The following IGHMBP2 variants were observed in gnomAD, a reference collection of about 807,000 sequenced individuals.
IGHMBP2 encodes the protein DNA-binding protein SMUBP-2.
IGHMBP2 carries 81 observed loss-of-function variants against 96.0 expected under a neutral mutation model. The ratio of observed to expected loss-of-function variants is 0.84; its 90% CI spans 0.71 to 1.01. The LOEUF (loss-of-function observed/expected upper bound fraction) is 1.01. Among genes scored for constraint, IGHMBP2 ranks in the 50% least tolerant of loss-of-function variants. The pLI is 0.00. For missense variants in IGHMBP2, 1,227 were observed against 1,306.3 expected (o/e 0.94, Z 0.94); for synonymous variants, 557 against 548.9 (o/e 1.01, Z -0.21).
intron 8 of IGHMBP2, among the ~76,000 whole-genome samples, chr11:68,931,234 C>T (rs925501622): frequency 2.6e-5 from 4 of 152,168 alleles, no homozygotes; most frequent in Non-Finnish European, 4.4e-5. Context: ...ACACCCATGA[C>T]CCTGCAGGGA....
rs724159960 is a variant in IGHMBP2, at chr11:68,934,508, G to A, written c.1582G>A (p.Ala528Thr). Residue 528 changes from alanine (A) to threonine (T), a missense_variant, in exon 11 of 15, where the codon GCT (alanine) becomes ACT (threonine). By Grantham distance (58) the Ala-to-Thr change is moderately conservative. Transcript: ENST00000255078. Reference sequence around the variant, plus strand: ...TTTGCACATCCAGGCTCTGGTGGACGCTGGTGTTCCAGCCCGTGACATTGC... The same window carrying A: ...TTTGCACATCCAGGCTCTGGTGGACACTGGTGTTCCAGCCCGTGACATTGC... ...VSLHIQALVD[A>T]GVPARDIAVV... The A allele has an allele frequency of 6.8e-6, 11 of 1,612,866 alleles. No individual in the cohort carries two copies. Among genetic ancestry groups the A allele is most frequent in the South Asian group, 2.2e-5 (2 of 90,708 alleles).
chr11:68,935,500 C>A, intron 12 of IGHMBP2, 78 bp downstream of exon 12: 1 of 1,545,398 alleles, frequency 6.5e-7, no homozygotes, highest in Non-Finnish European at 8.9e-7. Flanking sequence ...TGGGTGTCTG[C>A]TGGGTGCCAC....
At chr11:68,935,128 C>T (rs568416310) in intron 11 of IGHMBP2, among the ~76,000 whole-genome samples, 171 bp from the exon 12 acceptor site, 5 of 152,244 alleles carry the variant, frequency 3.3e-5, no homozygotes, top group Admixed American at 6.5e-5. Flanking sequence ...GGCGTGCATG[C>T]GTGCCCGTGA....
chr11:68,932,801 G>A (rs773659773), intron 8 of IGHMBP2: 11 of 166,980 alleles, frequency 6.6e-5, no homozygotes, highest in South Asian at 3.2e-4. Context: ...CAGACTCACC[G>A]GCTTAAAATC....
intron 8 of IGHMBP2, among the ~76,000 whole-genome samples, chr11:68,931,563 G>A (rs1470464514): frequency 6.6e-6 from 1 of 152,156 alleles, no homozygotes; most frequent in South Asian, 2.1e-4. Context: ...GTCTGTAGCT[G>A]TGACCCTGTG....
chr11:68,921,016 C>T (rs1190827548), intron 7 of IGHMBP2, among the ~76,000 whole-genome samples: 1 of 152,156 alleles, frequency 6.6e-6, no homozygotes, highest in Non-Finnish European at 1.5e-5. Flanking sequence ...AGGCTGGTCT[C>T]AAACTCCTGG....
At position 68,933,367 on chromosome 11, in the gene IGHMBP2, T is replaced by C. The variant is rs1566443147; in HGVS notation, c.1304T>C (p.Val435Ala). 1.2e-6 allele frequency: 2 copies of C among 1,613,124 alleles called. No individual in the cohort carries two copies. Among genetic ancestry groups the C allele is most frequent in the Admixed American group, 1.7e-5 (1 of 59,964 alleles). ...GCTGAGGAGTACGGCGCGAGGGTGG[T>C]GCGGACACTGACGGTGCAGTACCGC... ...RLAEEYGARV[V>A]RTLTVQYRMH... Residue 435 changes from valine (V) to alanine (A), a missense_variant, in exon 9 of 15, where the codon GTG becomes GCG. Around this residue, in one of 3 missense-constraint regions of IGHMBP2, gnomAD observed 703 missense variants for 770.3 expected, o/e 0.91. Coordinates refer to ENST00000255078, the MANE Select transcript of IGHMBP2 (RefSeq NM_002180.3).
At chr11:68,913,647 A>G (rs1288809604) in intron 5 of IGHMBP2, among the ~76,000 whole-genome samples, 1 of 150,610 alleles carries the variant, frequency 6.6e-6, no homozygotes, top group East Asian at 2.0e-4. Flanking sequence ...GGCTGGGTGC[A>G]GCGGCTCATG....
At chr11:68,923,614 A>G (rs1858955910) in intron 7 of IGHMBP2, among the ~76,000 whole-genome samples, 1 of 152,188 alleles carries the variant, frequency 6.6e-6, no homozygotes, top group African/African-American at 2.4e-5. Context: ...TGCTTAGTCC[A>G]GGGTTAATAT....
intron 6 of IGHMBP2, among the ~76,000 whole-genome samples, chr11:68,915,568 C>T (rs555640322): frequency 1.2e-4 from 18 of 152,004 alleles, no homozygotes; most frequent in East Asian, 3.9e-4. Context: ...CTGCAGGCTC[C>T]GCCTCCCGGG....
intron 7 of IGHMBP2, among the ~76,000 whole-genome samples, chr11:68,919,067 C>T (rs1858779016): frequency 6.6e-6 from 1 of 152,160 alleles, no homozygotes; most frequent in African/African-American, 2.4e-5. Context: ...ATATTTCATT[C>T]ATTTCAAAAT....
At chr11:68,933,969 A>G (rs1859421544) in intron 10 of IGHMBP2, 56 bp downstream of exon 10, 1 of 1,243,722 alleles carries the variant, frequency 8.0e-7, no homozygotes, top group Non-Finnish European at 1.2e-6. Flanking sequence ...CCAGCTCTTT[A>G]AAAATAAAAG....
chr11:68,933,693 C>T, intron 9 of IGHMBP2, 102 bp from the exon 10 acceptor site: 3 of 1,063,808 alleles, frequency 2.8e-6, no homozygotes, highest in South Asian at 1.3e-5. Flanking sequence ...TTGTCCTCCC[C>T]TACCTAAGCC....
chr11:68,917,953 T>G (rs1858734470), intron 7 of IGHMBP2, 70 bp downstream of exon 7: 17 of 1,520,870 alleles, frequency 1.1e-5, no homozygotes, highest in Non-Finnish European at 1.5e-5. Context: ...CTCTTCTGTT[T>G]TCTGGAAGAG....
rs112486136 is a variant in IGHMBP2, at chr11:68,929,911, T to C, written c.1235+554T>C. ...GCCCAGGCTGTCCTGGTGGAGACAC[T>C]GGAGCCCTGATGCAGTGGCCTGGCC... is the stretch of plus-strand genomic sequence containing the variant. On this transcript the variant is annotated intron_variant, in intron 8 of 14. Transcript: ENST00000255078. The C allele has an allele frequency of 3.5e-3, 3,388 of 974,758 alleles. 88 individuals are homozygous for C. The African/African-American group carries it at 0.058, about 17-fold the overall frequency. The allele number at this position is 974,758 out of a possible 1,614,324, so 60.4% of individuals were successfully genotyped here.
At chr11:68,918,355 G>T (rs1276723953) in intron 7 of IGHMBP2, among the ~76,000 whole-genome samples, 1 of 151,492 alleles carries the variant, frequency 6.6e-6, no homozygotes, top group East Asian at 1.9e-4. Flanking sequence ...AAGAGACAGG[G>T]TCTCTGCCAG....
At chr11:68,921,185 C>CTTT (rs11392795) in intron 7 of IGHMBP2, among the ~76,000 whole-genome samples, 2 of 147,346 alleles carry the variant, frequency 1.4e-5, no homozygotes, top group African/African-American at 5.0e-5. Context: ...TTGAACATTT[C>CTTT]TTTTTTTTTT....
chr11:68,925,852 C>T (rs917911172), intron 7 of IGHMBP2, among the ~76,000 whole-genome samples: 1 of 152,116 alleles, frequency 6.6e-6, no homozygotes. Context: ...AGTTGCTACT[C>T]TATTGCTGCT....
intron 7 of IGHMBP2, among the ~76,000 whole-genome samples, chr11:68,918,165 T>C (rs1446686112): frequency 6.6e-6 from 1 of 152,210 alleles, no homozygotes; most frequent in African/African-American, 2.4e-5. Context: ...CGGTTGAATT[T>C]AGAGGCATGA....
Sources: allele counts gnomAD v4.1 joint callset (sites outside exome capture counted in the v4.1 genomes callset), GRCh38; gene constraint gnomAD v4.1.1; regional missense constraint gnomAD v4.1.1; transcripts MANE v1.5; gene names NCBI Gene and HGNC (gene_info 2026-07-23, HGNC 2026-07-21).